Variants in PRKCE observed in about 807,000 individuals in gnomAD.
The protein encoded by PRKCE is protein kinase C epsilon, also known as protein kinase C epsilon type.
Under a neutral mutation model 85.4 loss-of-function variants are expected in PRKCE, and 16 were observed. The ratio of observed to expected loss-of-function variants is 0.19; its 90% CI spans 0.13 to 0.28. The LOEUF is 0.28. Among genes scored for constraint, PRKCE ranks in the 10% least tolerant of loss-of-function variants. The probability of loss-of-function intolerance (pLI) is 1.00; values close to 1 mark genes in which losing one functional copy is unlikely to be tolerated. For missense variants in PRKCE, 573 were observed against 975.2 expected, an observed-to-expected ratio of 0.59 and a Z score of 5.49; for synonymous variants, 388 against 371.5, an observed-to-expected ratio of 1.04 and a Z score of -0.51.
chr2:45,853,716 G>GAGAT (rs1169649751), intron 2 of PRKCE, among the ~76,000 whole-genome samples: 1 of 152,224 alleles, frequency 6.6e-6, no homozygotes. Flanking sequence ...GGAAACTACT[G>GAGAT]AGATAAACAA....
At position 45,761,326 on chromosome 2, in the gene PRKCE, CAAAAAAAAAAA is replaced by C. The variant is rs370710295; in HGVS notation, c.349-81660_349-81650del. Among the ~76,000 whole-genome samples the C allele has an allele frequency of 3.8e-4, 31 of 82,252 alleles. No homozygotes were observed. The South Asian group carries it at 5.9e-3, about 16-fold the overall frequency. 54.0% of individuals were successfully genotyped at this position (82,252 alleles called of 152,430 possible). A position where few individuals can be genotyped will look rare whatever the true frequency, so the allele number is the denominator to read the frequency against. On this transcript the variant is annotated intron_variant, in intron 1 of 14. Transcript: ENST00000306156. Reference sequence around the variant, plus strand: ...TGGGCGACAGAGCGAGACTCCATCTCAAAAAAAAAAAAAAAAAAAAAAAATCTAAGTACAGA... The same window carrying C: ...TGGGCGACAGAGCGAGACTCCATCTCAAAAAAAAAAAAATCTAAGTACAGA...
At position 46,062,869 on chromosome 2, in the gene PRKCE, T is replaced by G. The variant is rs145414818; in HGVS notation, c.1438-23339T>G. Among the ~76,000 whole-genome samples the G allele has an allele frequency of 5.0e-3, 768 of 152,190 alleles. 4 individuals carry two copies. Among genetic ancestry groups the G allele is most frequent in the African/African-American group, 0.018 (738 of 41,528 alleles). On this transcript the variant is annotated intron_variant, in intron 10 of 14. Transcript: ENST00000306156. ...GTCTCAAACTCCTGGGCTCAAGTGATCCTCCCACCTCAGCTTCCCAAAATG... is the reference window on the plus strand; with the variant it reads ...GTCTCAAACTCCTGGGCTCAAGTGAGCCTCCCACCTCAGCTTCCCAAAATG...
intron 9 of PRKCE, among the ~76,000 whole-genome samples, chr2:46,008,186 G>A (rs189716060): frequency 3.3e-5 from 5 of 152,212 alleles, no homozygotes; most frequent in East Asian, 3.9e-4. Context: ...TCCTTTACAC[G>A]TGGCAAGAAA....
chr2:45,710,002 G>A (rs1283777968), intron 1 of PRKCE, among the ~76,000 whole-genome samples: 1 of 152,114 alleles, frequency 6.6e-6, no homozygotes, highest in Non-Finnish European at 1.5e-5. Flanking sequence ...GTAGAGATGG[G>A]GTTTCACCAT....
Position 45,958,816 on chromosome 2 carries a change from A to AT in PRKCE, c.413-17574dup, listed in dbSNP as rs569651784. Among the ~76,000 whole-genome samples, 2 of 18,150 alleles carry AT rather than the reference A, an allele frequency of 1.1e-4. 1 individual carries two copies. Among genetic ancestry groups the AT allele is most frequent in the Admixed American group, 2.7e-3 (2 of 754 alleles). 11.9% of individuals were successfully genotyped at this position (18,150 alleles called of 152,430 possible). On this transcript the variant is annotated intron_variant, in intron 2 of 14. Transcript: ENST00000306156. The stretch of plus-strand genomic sequence containing the variant: ...CATATATATATATATATATATATAT[A>AT]TTTTTTTTTTTTTTTTTTTTTTTTT...
intron 10 of PRKCE, among the ~76,000 whole-genome samples, chr2:46,074,337 C>T (rs948384317): frequency 6.7e-6 from 1 of 148,920 alleles, no homozygotes; most frequent in South Asian, 2.1e-4. Flanking sequence ...ATTTTAATAT[C>T]GATGTGGGCA....
intron 10 of PRKCE, among the ~76,000 whole-genome samples, chr2:46,054,701 C>A (rs569206285): frequency 1.3e-5 from 2 of 152,186 alleles, no homozygotes; most frequent in South Asian, 2.1e-4. Flanking sequence ...AAGGGCCCTA[C>A]CCTCAAGCCT....
At chr2:46,077,337 T>C (rs1460147606) in intron 10 of PRKCE, among the ~76,000 whole-genome samples, 1 of 152,112 alleles carries the variant, frequency 6.6e-6, no homozygotes, top group Admixed American at 6.5e-5. Flanking sequence ...ATACATGAAA[T>C]ATGTACAGCT....
chr2:46,108,837 T>A (rs1283049889), intron 11 of PRKCE, among the ~76,000 whole-genome samples: 6 of 152,208 alleles, frequency 3.9e-5, no homozygotes, highest in African/African-American at 1.4e-4. Context: ...TAGTGTTTGA[T>A]ATTTAGATCT....
chr2:45,859,814 C>G (rs1692996738), intron 2 of PRKCE, among the ~76,000 whole-genome samples: 1 of 152,100 alleles, frequency 6.6e-6, no homozygotes, highest in Non-Finnish European at 1.5e-5. Context: ...AAATATGTTT[C>G]TGCTTGGGCC....
chr2:46,042,848 C>T (rs1210716642), intron 10 of PRKCE, among the ~76,000 whole-genome samples: 2 of 152,350 alleles, frequency 1.3e-5, no homozygotes, highest in Admixed American at 1.3e-4. Context: ...TGTTCACAGG[C>T]ACCTCCCTGG....
chr2:45,808,400 C>T (rs1688408681), intron 1 of PRKCE, among the ~76,000 whole-genome samples: 1 of 152,202 alleles, frequency 6.6e-6, no homozygotes, highest in South Asian at 2.1e-4. Flanking sequence ...TCATGATCAA[C>T]ACTAACAACC....
intron 1 of PRKCE, among the ~76,000 whole-genome samples, chr2:45,769,194 A>C (rs538850319): frequency 1.3e-5 from 2 of 152,182 alleles, no homozygotes; most frequent in Non-Finnish European, 2.9e-5. Flanking sequence ...CAACTGTTTC[A>C]TTGACTTCCT....
intron 1 of PRKCE, among the ~76,000 whole-genome samples, chr2:45,799,029 G>A (rs1371810218): frequency 6.6e-6 from 1 of 152,030 alleles, no homozygotes; most frequent in South Asian, 2.1e-4. Context: ...AGCCGGGCAT[G>A]GTGGTGGGCT....
intron 10 of PRKCE, among the ~76,000 whole-genome samples, chr2:46,043,677 A>G (rs1346347832): frequency 6.6e-6 from 1 of 152,170 alleles, no homozygotes; most frequent in Non-Finnish European, 1.5e-5. Context: ...AACTGAGATG[A>G]TGTATCAGAG....
intron 2 of PRKCE, among the ~76,000 whole-genome samples, chr2:45,936,057 C>G (rs1317212424): frequency 6.6e-6 from 1 of 152,156 alleles, no homozygotes; most frequent in East Asian, 1.9e-4. Flanking sequence ...TCAAGAGGCT[C>G]TGTTAGGAGC....
chr2:46,027,228 G>A (rs555525783), intron 10 of PRKCE, among the ~76,000 whole-genome samples: 2 of 152,230 alleles, frequency 1.3e-5, no homozygotes, highest in South Asian at 2.1e-4. Context: ...CCAGCTATTC[G>A]GGAGGCTGAG....
At chr2:46,012,408 C>G (rs920333940) in intron 10 of PRKCE, among the ~76,000 whole-genome samples, 2 of 151,916 alleles carry the variant, frequency 1.3e-5, no homozygotes, top group Non-Finnish European at 2.9e-5. Flanking sequence ...CAGAGTCAGA[C>G]CTGGCATCTC....
chr2:45,879,145 C>A (rs994852076), intron 2 of PRKCE, among the ~76,000 whole-genome samples: 1 of 152,202 alleles, frequency 6.6e-6, no homozygotes, highest in Admixed American at 6.5e-5. Context: ...AAACCCCAAG[C>A]TCCACTGGCA....
Sources: allele counts gnomAD v4.1 joint callset (sites outside exome capture counted in the v4.1 genomes callset), GRCh38; gene constraint gnomAD v4.1.1; transcripts MANE v1.5; gene names NCBI Gene and HGNC (gene_info 2026-07-23, HGNC 2026-07-21).